The following ORMDL1 variants were observed in gnomAD, a reference collection of about 807,000 sequenced individuals.
The protein encoded by ORMDL1 is ORM1-like protein 1.
Under a neutral mutation model 13.0 loss-of-function variants are expected in ORMDL1, and 10 were observed. The observed-to-expected ratio is 0.77, with a 90% confidence interval of 0.47 to 1.30. The LOEUF (loss-of-function observed/expected upper bound fraction) is 1.30, where lower values mean the gene tolerates loss of function less well. ORMDL1 is among the 50% of genes most tolerant of loss of function. ORMDL1 has a pLI of 0.00. For synonymous variants in ORMDL1, 61 were observed against 63.9 expected (o/e 0.95, Z 0.22); for missense variants, 171 against 186.7 (o/e 0.92, Z 0.49).
At chr2:189,772,283 GTT>G (rs137860537) in intron 4 of ORMDL1, among the ~76,000 whole-genome samples, 11,165 of 152,136 alleles carry the variant, frequency 0.073, 848 homozygotes, top group African/African-American at 0.19. Flanking sequence ...TTCTCAAAAA[GTT>G]TTGTGACTCA....
chr2:189,783,369 G>A (rs1245113694), intron 1 of ORMDL1: 1 of 152,182 alleles, frequency 6.6e-6, no homozygotes. Context: ...TTGAGACTAA[G>A]AATTGCTTAA....
chr2:189,776,411 G>A (rs1053964710), intron 3 of ORMDL1, among the ~76,000 whole-genome samples: 2 of 151,754 alleles, frequency 1.3e-5, no homozygotes, highest in African/African-American at 2.4e-5. Flanking sequence ...TTTATCAATA[G>A]GGTAGAAAAA....
chr2:189,774,343 A>T (rs2106144505), intron 4 of ORMDL1, among the ~76,000 whole-genome samples: 1 of 152,294 alleles, frequency 6.6e-6, no homozygotes, highest in South Asian at 2.1e-4. Context: ...GGTTAATATT[A>T]TATGGGACTA....
chr2:189,782,655 C>G, intron 2 of ORMDL1, 53 bp from the exon 3 acceptor site: 1 of 1,512,338 alleles, frequency 6.6e-7, no homozygotes, highest in Non-Finnish European at 9.1e-7. Flanking sequence ...AACCTAACAC[C>G]CCCAATTCTG....
chr2:189,778,157 G>C (rs1227635672), intron 3 of ORMDL1: 1 of 441,878 alleles, frequency 2.3e-6, no homozygotes, highest in Non-Finnish European at 4.5e-6. Flanking sequence ...CACTTTGGGA[G>C]GCCGAGGCGG....
At chr2:189,776,239 A>C (rs1386040956) in intron 3 of ORMDL1, among the ~76,000 whole-genome samples, 1 of 152,212 alleles carries the variant, frequency 6.6e-6, no homozygotes, top group Non-Finnish European at 1.5e-5. Flanking sequence ...CAAAGCAATA[A>C]AAATAGTTTG....
intron 3 of ORMDL1, among the ~76,000 whole-genome samples, chr2:189,780,572 C>T (rs2047800701): frequency 6.6e-6 from 1 of 151,930 alleles, no homozygotes; most frequent in Non-Finnish European, 1.5e-5. Flanking sequence ...ATGAAGTAAC[C>T]TAGGTAGAAT....
In ORMDL1 at chr2:189,781,667, A is replaced by G. The variant is rs187897823; in HGVS notation, c.174+755T>C. 3.9e-5 allele frequency among the ~76,000 whole-genome samples: 6 copies of G among 152,282 alleles called. No homozygotes were observed. The East Asian group carries it at 1.2e-3, about 29-fold the overall frequency. On this transcript the variant is annotated intron_variant, in intron 3 of 4. Coordinates refer to ENST00000392349, the MANE Select transcript of ORMDL1 (RefSeq NM_016467.5). Reference sequence around the variant, plus strand: ...ATGATCTATTTTCTAGATTCTATACAATGAGAAAAAAAAAAGTCTTACTTA... The same window carrying G: ...ATGATCTATTTTCTAGATTCTATACGATGAGAAAAAAAAAAGTCTTACTTA...
downstream of ORMDL1, chr2:189,770,188 C>T (rs966981280): frequency 2.6e-5 from 4 of 151,948 alleles, no homozygotes; most frequent in African/African-American, 9.7e-5. Context: ...AAAATGTAAG[C>T]CTTTTGAGAG....
Position 189,771,736 on chromosome 2 carries a change from CTG to C in ORMDL1, c.*29_*30del. 1 of 1,547,172 alleles carries C rather than the reference CTG, an allele frequency of 6.5e-7. No individual in the cohort carries two copies. Among genetic ancestry groups the C allele is most frequent in the Non-Finnish European group, 8.7e-7 (1 of 1,144,866 alleles). ...TCCTTCCTTATAAGAAATTCAGTAG[CTG>C]TAAAATTTTTTTTCAGTTTCAAAAC... is the stretch of plus-strand genomic sequence containing the variant. On this transcript the variant is annotated 3_prime_UTR_variant, in exon 5 of 5. Coordinates refer to ENST00000392349, the MANE Select transcript of ORMDL1 (RefSeq NM_016467.5).
At chr2:189,764,438 CTGT>C in the ORMDL1 span, 1 of 152,198 alleles carries the variant, frequency 6.6e-6, no homozygotes, top group African/African-American at 2.4e-5. Flanking sequence ...AGTCCGAATG[CTGT>C]TATTATGTGA....
the ORMDL1 span, chr2:189,764,230 G>A: frequency 6.6e-6 from 1 of 152,200 alleles, no homozygotes; most frequent in Non-Finnish European, 1.5e-5. Flanking sequence ...GGTTAGAGAG[G>A]TCAGAGCTTA....
intron 3 of ORMDL1, chr2:189,778,476 G>A: frequency 2.2e-6 from 1 of 455,430 alleles, no homozygotes; most frequent in South Asian, 1.6e-5. Flanking sequence ...GAGATAAACT[G>A]CTAATTATAA....
Position 189,782,512 on chromosome 2 carries a change from C to T in ORMDL1, c.84G>A (p.Leu28=). The change falls in exon 3 of 5, where the codon TTG becomes TTA. Residue 28 remains leucine (L), a synonymous_variant. Transcript: ENST00000392349. ...AGACAATATGAAGCAAGCCAACTCCCAATGCATATGTCAGCCACATACCCC... is the reference window on the plus strand; with the variant it reads ...AGACAATATGAAGCAAGCCAACTCCTAATGCATATGTCAGCCACATACCCC... The part of the protein sequence containing the change: ...NSRGMWLTYA[L]GVGLLHIVLL... The T allele has an allele frequency of 6.2e-7, 1 of 1,614,140 alleles. No individual in the cohort carries two copies. Among genetic ancestry groups the T allele is most frequent in the Non-Finnish European group, 8.5e-7 (1 of 1,180,000 alleles).
downstream of ORMDL1, among the ~76,000 whole-genome samples, chr2:189,768,205 C>T (rs1161715617): frequency 6.6e-6 from 1 of 152,236 alleles, no homozygotes; most frequent in Non-Finnish European, 1.5e-5. Context: ...CGCTGCACTA[C>T]TCCAAACCTC....
chr2:189,767,544 C>T (rs553762862), downstream of ORMDL1, among the ~76,000 whole-genome samples: 2 of 152,262 alleles, frequency 1.3e-5, no homozygotes, highest in Admixed American at 6.5e-5. Context: ...AAAATTTATA[C>T]ACTGTAAAAT....
chr2:189,765,564 G>A (rs2047467350), downstream of ORMDL1: 1 of 152,180 alleles, frequency 6.6e-6, no homozygotes, highest in Non-Finnish European at 1.5e-5. Flanking sequence ...TAATACTAAT[G>A]TATTATTTAT....
intron 3 of ORMDL1, among the ~76,000 whole-genome samples, chr2:189,779,637 C>G (rs998425074): frequency 6.6e-6 from 1 of 152,176 alleles, no homozygotes; most frequent in Non-Finnish European, 1.5e-5. Flanking sequence ...AATGGATGAT[C>G]ACTGAATGAC....
intron 3 of ORMDL1, among the ~76,000 whole-genome samples, chr2:189,781,857 AAAACT>A (rs1559191001): frequency 6.6e-6 from 1 of 152,236 alleles, no homozygotes; most frequent in Non-Finnish European, 1.5e-5. Flanking sequence ...AGCTGTTAAA[AAAACT>A]AAGTTGTATA....
Sources: gnomAD v4.1 joint callset for allele counts (sites outside exome capture counted in the v4.1 genomes callset) on GRCh38, gnomAD v4.1.1 for gene constraint, MANE v1.5 for transcripts, NCBI Gene and HGNC (gene_info 2026-07-23, HGNC 2026-07-21) for gene names.